Variants in SLITRK5 observed in about 807,000 individuals in gnomAD.
SLITRK5 encodes SLIT and NTRK-like protein 5.
A neutral mutation model predicts 56.2 loss-of-function variants in SLITRK5; 23 were observed. The ratio of observed to expected loss-of-function variants is 0.41; its 90% CI spans 0.29 to 0.58. SLITRK5 has a LOEUF of 0.58. Among genes scored for constraint, SLITRK5 ranks in the 20% least tolerant of loss-of-function variants. SLITRK5 has a pLI of 0.30. For synonymous variants in SLITRK5, 637 were observed against 531.8 expected, an observed-to-expected ratio of 1.20 and a Z score of -2.72; for missense variants, 1,289 against 1,226.6, an observed-to-expected ratio of 1.05 and a Z score of -0.76.
Position 87,678,288 on chromosome 13 carries a change from CT to C in SLITRK5, c.*27del, listed in dbSNP as rs1393458036. ...TAAAAGCAAAGAAACTCTCTTGGAG[CT>C]TTTGCATTTAAAACAAACAAGCAAG... On this transcript the variant is annotated 3_prime_UTR_variant, in exon 2 of 2. Coordinates refer to ENST00000683689, the MANE Select transcript of SLITRK5 (RefSeq NM_001384609.1). The C allele has an allele frequency of 9.6e-6, 15 of 1,564,500 alleles. No homozygotes were observed. The highest frequency in any genetic ancestry group is 2.7e-5 in the African/African-American group (2 of 72,968).
Position 87,671,428 on chromosome 13 carries a change from G to C in SLITRK5, c.-790G>C, listed in dbSNP as rs913835864. On this transcript the variant is annotated 5_prime_UTR_variant, in exon 1 of 2. Coordinates refer to ENST00000683689, the MANE Select transcript of SLITRK5 (RefSeq NM_001384609.1). ...GTCTGCTGCAGCTTGGCTCGCACCA[G>C]AGGCGCGACAATAAACAAGTGCACT... is the stretch of plus-strand genomic sequence containing the variant. Among the ~76,000 whole-genome samples, 1 of 152,140 alleles carries C rather than the reference G, an allele frequency of 6.6e-6. No homozygotes were observed. Among genetic ancestry groups the C allele is most frequent in the Non-Finnish European group, 1.5e-5 (1 of 68,014 alleles).
chr13:87,673,971 A>G (rs1159332229), intron 1 of SLITRK5, among the ~76,000 whole-genome samples: 1 of 151,714 alleles, frequency 6.6e-6, no homozygotes, highest in African/African-American at 2.4e-5. Context: ...CCTCCACCCC[A>G]TTAACCAACG....
Position 87,675,842 on chromosome 13 carries a change from T to C in SLITRK5, c.454T>C (p.Leu152=). ...ELLRDDTFLG[L]ENLEYLQVDY... ...TCTGCGAGATGATACCTTCCTTGGC[T>C]TGGAGAACCTGGAGTACCTACAGGT... The change falls in exon 2 of 2, where the codon TTG becomes CTG. Residue 152 remains leucine (L), a synonymous_variant. Coordinates refer to ENST00000683689, the MANE Select transcript of SLITRK5 (RefSeq NM_001384609.1). 1.9e-6 allele frequency: 3 copies of C among 1,614,134 alleles called. No individual in the cohort carries two copies. Among genetic ancestry groups the C allele is most frequent in the Non-Finnish European group, 2.5e-6 (3 of 1,180,010 alleles).
Position 87,676,103 on chromosome 13 carries a change from T to C in SLITRK5, c.715T>C (p.Cys239Arg), listed in dbSNP as rs772347266. 6.2e-7 allele frequency: 1 copy of C among 1,614,022 alleles called. No homozygotes were observed. Among genetic ancestry groups the C allele is most frequent in the Non-Finnish European group, 8.5e-7 (1 of 1,180,018 alleles). The change falls in exon 2 of 2, where the codon TGT (cysteine) becomes CGT (arginine). Residue 239 changes from cysteine to arginine, a missense_variant. Around this residue, in one of 3 missense-constraint regions of SLITRK5, gnomAD observed 13 missense variants for 33.9 expected, o/e 0.38. Coordinates refer to ENST00000683689, the MANE Select transcript of SLITRK5 (RefSeq NM_001384609.1). ...ACAGCTGGAGGAAAACCCTTGGAAT[T>C]GTTCTTGTGAGCTGATCTCTCTAAA... ...ELQLEENPWN[C>R]SCELISLKDW...
At position 87,676,475 on chromosome 13, in the gene SLITRK5, G is replaced by T. The variant is rs754973203; in HGVS notation, c.1087G>T (p.Ala363Ser). The change falls in exon 2 of 2, where the codon GCC becomes TCC. Residue 363 changes from alanine to serine, a missense_variant. Coordinates refer to ENST00000683689, the MANE Select transcript of SLITRK5 (RefSeq NM_001384609.1). ...CTACAGCAACTATGGCCCCAGCATC[G>T]CCTATCAGACCAAATCCCCGGTGCC... ...LGYSNYGPSI[A>S]YQTKSPVPLE... 6.2e-7 allele frequency: 1 copy of T among 1,613,984 alleles called. No homozygotes were observed. Among genetic ancestry groups the T allele is most frequent in the South Asian group, 1.1e-5 (1 of 91,078 alleles).
chr13:87,678,469 G>T lies in SLITRK5; in HGVS notation c.*204G>T, dbSNP rs571347942. 5 of 597,004 alleles carry T rather than the reference G, an allele frequency of 8.4e-6. No homozygotes were observed. In the South Asian group the frequency reaches 9.5e-5, roughly 11 times the overall value. 37.0% of individuals were successfully genotyped at this position (597,004 alleles called of 1,614,324 possible). A position where few individuals can be genotyped will look rare whatever the true frequency, so the allele number is the denominator to read the frequency against. On this transcript the variant is annotated 3_prime_UTR_variant, in exon 2 of 2. Transcript: ENST00000683689. ...ACGTGGGAAACATTTGTGTAAACTG[G>T]GCACATCACTTTCTCTTCTTGCGTG...
chr13:87,673,066 C>G (rs1012357502), intron 1 of SLITRK5, among the ~76,000 whole-genome samples: 2 of 151,720 alleles, frequency 1.3e-5, no homozygotes, highest in African/African-American at 4.8e-5. Flanking sequence ...GTGCCCGGAG[C>G]CTCCGGTGCG....
Position 87,675,754 on chromosome 13 carries a change from C to A in SLITRK5, c.366C>A (p.Thr122=). ...GCAATGTTATCCAGGACATTGAGACCGGGGCTTTCCATGGGCTACGGGGTT... is the reference window on the plus strand; with the variant it reads ...GCAATGTTATCCAGGACATTGAGACAGGGGCTTTCCATGGGCTACGGGGTT... ...LGSNVIQDIE[T]GAFHGLRGLR... Residue 122 remains threonine, a synonymous_variant, in exon 2 of 2, where the codon ACC becomes ACA. Coordinates refer to ENST00000683689, the MANE Select transcript of SLITRK5 (RefSeq NM_001384609.1). 3 of 1,614,040 alleles carry A rather than the reference C, an allele frequency of 1.9e-6. No homozygotes were observed. The highest frequency in any genetic ancestry group is 2.5e-6 in the Non-Finnish European group (3 of 1,180,014).
rs985109359 is a variant in SLITRK5, at chr13:87,677,803, A to G, written c.2415A>G (p.Pro805=). The G allele has an allele frequency of 1.6e-5, 26 of 1,609,264 alleles. No individual in the cohort carries two copies. The highest frequency in any genetic ancestry group is 4.0e-5 in the African/African-American group (3 of 74,828). The change falls in exon 2 of 2, where the codon CCA becomes CCG. Residue 805 remains proline (P), a synonymous_variant. Coordinates refer to ENST00000683689, the MANE Select transcript of SLITRK5 (RefSeq NM_001384609.1). This position sits in a 1 kb window ranked among gnomAD's most constrained non-coding sequence, Gnocchi z 4.7. ...QQQPPPPPQQ[P]QQQPPPQLQL... is the part of the protein sequence containing the mutation. ...AGCCGCCGCCGCCACCGCAGCAGCC[A>G]CAGCAGCAGCCCCCGCCGCAGCTGC...
rs770428337 is a variant in SLITRK5, at chr13:87,676,494, C to A, written c.1106C>A (p.Pro369Gln). The A allele has an allele frequency of 2.5e-6, 4 of 1,614,070 alleles. No individual in the cohort carries two copies. In the Admixed American group the frequency reaches 5.0e-5, roughly 20 times the overall value. The change falls in exon 2 of 2, where the codon CCG becomes CAG. Residue 369 changes from proline (P) to glutamine (Q), a missense_variant. Transcript: ENST00000683689. ...AGCATCGCCTATCAGACCAAATCCC[C>A]GGTGCCTTTGGAGTGTCCCACCGCG... ...GPSIAYQTKS[P>Q]VPLECPTACS...
In SLITRK5 at chr13:87,677,114, C is replaced by T. The variant is rs1213899842; in HGVS notation, c.1726C>T (p.Leu576=). The change falls in exon 2 of 2, where the codon CTG becomes TTG. Residue 576 remains leucine, a synonymous_variant. Transcript: ENST00000683689. The surrounding 1 kb of genome is among the most constrained non-coding windows in gnomAD (Gnocchi z 4.7). ...TACCTGTGACATTGTGGGCATGAAG[C>T]TGTGGGTGGAGCAGCTCAAAGTGGG... The part of the protein sequence containing the change: ...DCTCDIVGMK[L]WVEQLKVGVL... 6.2e-7 allele frequency: 1 copy of T among 1,614,072 alleles called. No individual in the cohort carries two copies. The highest frequency in any genetic ancestry group is 1.3e-5 in the African/African-American group (1 of 74,936).
chr13:87,676,202 G>A lies in SLITRK5; in HGVS notation c.814G>A (p.Gly272Arg), dbSNP rs756802240. 1.2e-6 allele frequency: 2 copies of A among 1,614,084 alleles called. No individual in the cohort carries two copies. The highest frequency in any genetic ancestry group is 1.7e-5 in the Admixed American group (1 of 60,008). ...TTGTGAGACCCCCTTCCGCTTACACGGAAGGGACTTGGACGAGGTATCCAA... is the reference window on the plus strand; with the variant it reads ...TTGTGAGACCCCCTTCCGCTTACACAGAAGGGACTTGGACGAGGTATCCAA... ...VVCETPFRLH[G>R]RDLDEVSKQE... The change falls in exon 2 of 2, where the codon GGA becomes AGA. Residue 272 changes from glycine to arginine, a missense_variant. Gly to Arg is a moderately radical substitution (Grantham distance 125, BLOSUM62 -2). Coordinates refer to ENST00000683689, the MANE Select transcript of SLITRK5 (RefSeq NM_001384609.1).
chr13:87,675,252 G>A (rs1281358902), intron 1 of SLITRK5, 129 bp from the exon 2 acceptor site: 1 of 626,884 alleles, frequency 1.6e-6, no homozygotes, highest in Non-Finnish European at 2.9e-6. Context: ...CACTTGGGGA[G>A]GTGTGTCATT....
In SLITRK5 at chr13:87,676,216, C is replaced by G. The variant is rs566287456; in HGVS notation, c.828C>G (p.Asp276Glu). The part of the protein sequence containing the change: ...TPFRLHGRDL[D>E]EVSKQELCPR... ...TCCGCTTACACGGAAGGGACTTGGA[C>G]GAGGTATCCAAGCAGGAACTTTGCC... The change falls in exon 2 of 2, where the codon GAC (aspartate) becomes GAG (glutamate). Residue 276 changes from aspartate to glutamate, a missense_variant. This residue lies in a region of SLITRK5 where 985 missense variants were observed against 906.0 expected (regional missense o/e 1.09). Coordinates refer to ENST00000683689, the MANE Select transcript of SLITRK5 (RefSeq NM_001384609.1). 4 of 1,614,052 alleles carry G rather than the reference C, an allele frequency of 2.5e-6. No homozygotes were observed. Among genetic ancestry groups the G allele is most frequent in the Middle Eastern group, 3.3e-4 (2 of 6,062 alleles).
intron 1 of SLITRK5, chr13:87,672,599 G>A (rs1209335403): frequency 6.6e-6 from 1 of 151,838 alleles, no homozygotes; most frequent in East Asian, 2.0e-4. Context: ...GCACCGGGGA[G>A]AGCCTTTTGG....
In SLITRK5 at chr13:87,672,079, A is replaced by G. The variant is rs1877056582; in HGVS notation, c.-139A>G. Among the ~76,000 whole-genome samples the G allele has an allele frequency of 6.6e-6, 1 of 151,886 alleles. No individual in the cohort carries two copies. Among genetic ancestry groups the G allele is most frequent in the South Asian group, 2.1e-4 (1 of 4,820 alleles). ...GAATGTGGTGAAGACGGCGAGGAGGAGAGCCGAGGGGGGAGGGGAGGGCCG... is the reference window on the plus strand; with the variant it reads ...GAATGTGGTGAAGACGGCGAGGAGGGGAGCCGAGGGGGGAGGGGAGGGCCG... On this transcript the variant is annotated 5_prime_UTR_variant, in exon 1 of 2. Coordinates refer to ENST00000683689, the MANE Select transcript of SLITRK5 (RefSeq NM_001384609.1).
Position 87,671,963 on chromosome 13 carries a change from T to C in SLITRK5, c.-255T>C, listed in dbSNP as rs548160468. Among the ~76,000 whole-genome samples, 4 of 152,062 alleles carry C rather than the reference T, an allele frequency of 2.6e-5. No homozygotes were observed. The highest frequency in any genetic ancestry group is 3.9e-4 in the East Asian group (2 of 5,104). On this transcript the variant is annotated 5_prime_UTR_variant, in exon 1 of 2. Coordinates refer to ENST00000683689, the MANE Select transcript of SLITRK5 (RefSeq NM_001384609.1). ...CGCCCCCTCACTACCATGTACAGTG[T>C]GCGCTGCAAGAAGAAGGCGGGAGAT...
chr13:87,671,634 T>G lies in SLITRK5; in HGVS notation c.-584T>G. On this transcript the variant is annotated 5_prime_UTR_variant, in exon 1 of 2. Coordinates refer to ENST00000683689, the MANE Select transcript of SLITRK5 (RefSeq NM_001384609.1). ...GACGCGGTTGCTGCCCGCCCCCCCC[T>G]TCCCCCAGAAACCCCAAAGGATGTC... Among the ~76,000 whole-genome samples the G allele has an allele frequency of 7.1e-6, 1 of 141,552 alleles. No homozygotes were observed. The highest frequency in any genetic ancestry group is 1.5e-5 in the Non-Finnish European group (1 of 64,636). The allele number at this position is 141,552 out of a possible 152,430, so 92.9% of individuals were successfully genotyped here.
In SLITRK5 at chr13:87,678,155, G is replaced by A. The variant is rs1487750908; in HGVS notation, c.2767G>A (p.Val923Ile). 1 of 1,614,126 alleles carries A rather than the reference G, an allele frequency of 6.2e-7. No homozygotes were observed. The highest frequency in any genetic ancestry group is 1.3e-5 in the African/African-American group (1 of 74,946). Reference sequence around the variant, plus strand: ...GGTGCTCTACAGCCCCCCGAGTGCTGTCTTTGTAGAACCCAACCGGAACGA... The same window carrying A: ...GGTGCTCTACAGCCCCCCGAGTGCTATCTTTGTAGAACCCAACCGGAACGA... Reference protein sequence around the residue: ...EPVLYSPPSAVFVEPNRNEYL... With the variant: ...EPVLYSPPSAIFVEPNRNEYL... The change falls in exon 2 of 2, where the codon GTC (valine) becomes ATC (isoleucine). Residue 923 changes from valine (V) to isoleucine (I), a missense_variant. Physicochemically the swap from Val to Ile is conservative, Grantham distance 29. Around this residue, in one of 3 missense-constraint regions of SLITRK5, gnomAD observed 985 missense variants for 906.0 expected, o/e 1.09. Transcript: ENST00000683689.
Sources: allele counts gnomAD v4.1 joint callset (sites outside exome capture counted in the v4.1 genomes callset), GRCh38; gene constraint gnomAD v4.1.1; regional missense constraint gnomAD v4.1.1; non-coding constraint Gnocchi (gnomAD v3.1); transcripts MANE v1.5; gene names NCBI Gene and HGNC (gene_info 2026-07-23, HGNC 2026-07-21).